The following MXRA7 variants were observed in gnomAD, a reference collection of about 807,000 sequenced individuals.
MXRA7 encodes the protein matrix-remodeling-associated protein 7.
Under a neutral mutation model 17.4 loss-of-function variants are expected in MXRA7, and 18 were observed. The observed-to-expected ratio is 1.03, with a 90% confidence interval of 0.71 to 1.53. The LOEUF (loss-of-function observed/expected upper bound fraction) is 1.53. Ranked by LOEUF, MXRA7 falls within the 40% of genes most tolerant of loss-of-function variation. The pLI is 0.00. For synonymous variants in MXRA7, 70 were observed against 101.7 expected (o/e 0.69, Z 1.87); for missense variants, 141 against 209.3 (o/e 0.67, Z 2.01).
chr17:76,697,972 A>G (rs1297071083), intron 1 of MXRA7, among the ~76,000 whole-genome samples: 1 of 152,010 alleles, frequency 6.6e-6, no homozygotes, highest in Non-Finnish European at 1.5e-5. Context: ...AGAGGGAGAG[A>G]GAGTGATAGA....
rs1015493105 is a variant in MXRA7 at position 76,681,514 on chromosome 17, G to A, written c.501-635C>T. ...AGTTTCTTGCATACATCAGATGGAAGAACCAGAACTACCCCACAGCTGGGG... is the reference window on the plus strand; with the variant it reads ...AGTTTCTTGCATACATCAGATGGAAAAACCAGAACTACCCCACAGCTGGGG... On this transcript the variant is annotated intron_variant, in intron 3 of 3. Coordinates refer to ENST00000449428, the MANE Select transcript of MXRA7 (RefSeq NM_198530.4). This position sits in a 1 kb window ranked among gnomAD's most constrained non-coding sequence, Gnocchi z 4.7. Among the ~76,000 whole-genome samples, 7 of 152,168 alleles carry A rather than the reference G, an allele frequency of 4.6e-5. No individual in the cohort carries two copies. Among genetic ancestry groups the A allele is most frequent in the African/African-American group, 1.7e-4 (7 of 41,434 alleles).
At position 76,688,975 on chromosome 17, in the gene MXRA7, T is replaced by C. The variant is rs533715228; in HGVS notation, c.343-799A>G. The C allele has an allele frequency of 1.1e-3, 215 of 200,056 alleles. 4 individuals are homozygous for C. Among genetic ancestry groups the C allele is most frequent in the Admixed American group, 0.01 (169 of 16,574 alleles). The allele number at this position is 200,056 out of a possible 1,614,324, so 12.4% of individuals were successfully genotyped here. ...CACGGGAGGCTCCCTAACAAAACAC[T>C]GAGCTGTGCCGGGAGGCAAAGTTTT... On this transcript the variant is annotated intron_variant, in intron 1 of 3. Transcript: ENST00000449428.
At chr17:76,688,299 C>A in intron 1 of MXRA7, 123 bp from the exon 2 acceptor site, 1 of 1,504,856 alleles carries the variant, frequency 6.6e-7, no homozygotes, top group Admixed American at 2.1e-5. Flanking sequence ...CGCCCTGTGG[C>A]AGCGCCTGCC....
downstream of MXRA7, chr17:76,676,304 G>T (rs2076240799): frequency 6.6e-6 from 1 of 152,158 alleles, no homozygotes; most frequent in Non-Finnish European, 1.5e-5. Context: ...ATCCAGCATA[G>T]TTCTAATTAA....
rs956178006 is a variant in MXRA7, at chr17:76,681,752, C to T, written c.501-873G>A. Among the ~76,000 whole-genome samples, 7 of 152,340 alleles carry T rather than the reference C, an allele frequency of 4.6e-5. No homozygotes were observed. The South Asian group carries it at 6.2e-4, about 14-fold the overall frequency. ...AGTGATGGAGAGGAGCTGACAGCCG[C>T]GCCTGTTCTTTCTCCTGCCAAGCTG... On this transcript the variant is annotated intron_variant, in intron 3 of 3. Transcript: ENST00000449428. This position sits in a 1 kb window ranked among gnomAD's most constrained non-coding sequence, Gnocchi z 4.7.
At chr17:76,691,824 A>G (rs1023647677) in intron 1 of MXRA7, among the ~76,000 whole-genome samples, 2 of 152,222 alleles carry the variant, frequency 1.3e-5, no homozygotes, top group Non-Finnish European at 2.9e-5. Flanking sequence ...TCAAGAATAG[A>G]CAGGAGGCCA....
downstream of MXRA7, chr17:76,677,757 G>C: frequency 1.5e-6 from 2 of 1,309,660 alleles, no homozygotes; most frequent in Non-Finnish European, 2.2e-6. Flanking sequence ...ACTGGGGAGA[G>C]AGGGAGCCTG....
intron 1 of MXRA7, chr17:76,688,385 A>G (rs1435290145): frequency 2.7e-5 from 39 of 1,431,338 alleles, no homozygotes; most frequent in Admixed American, 5.7e-5. Context: ...ACAAATGCTG[A>G]GCTGAGGCGT....
chr17:76,681,388 C>G lies in MXRA7; in HGVS notation c.501-509G>C, dbSNP rs758988626. ...AGCCCTGGGACCACTGAGAACCCAG[C>G]AGGTCTGATCTTGTCCCTCTGACGC... On this transcript the variant is annotated intron_variant, in intron 3 of 3. Coordinates refer to ENST00000449428, the MANE Select transcript of MXRA7 (RefSeq NM_198530.4). This position sits in a 1 kb window ranked among gnomAD's most constrained non-coding sequence, Gnocchi z 4.7. 6.6e-6 allele frequency among the ~76,000 whole-genome samples: 1 copy of G among 152,138 alleles called. No individual in the cohort carries two copies. The highest frequency in any genetic ancestry group is 1.5e-5 in the Non-Finnish European group (1 of 68,020).
rs1296370392 is a variant in MXRA7, at chr17:76,710,679, C to T, written c.268G>A (p.Gly90Arg). 6.2e-6 allele frequency: 8 copies of T among 1,288,580 alleles called. No individual in the cohort carries two copies. The highest frequency in any genetic ancestry group is 7.9e-6 in the Non-Finnish European group (8 of 1,012,708). The allele number at this position is 1,288,580 out of a possible 1,614,324, so 79.8% of individuals were successfully genotyped here. Reference sequence around the variant, plus strand: ...GGATCCCCTGGCCCTTCGGGCTCCCCCGGTCCCGCAGGCTCCCCGAGCTCC... The same window carrying T: ...GGATCCCCTGGCCCTTCGGGCTCCCTCGGTCCCGCAGGCTCCCCGAGCTCC... ...LGELGEPAGP[G>R]EPEGPGDPAA... The change falls in exon 1 of 4, where the codon GGG becomes AGG. Residue 90 changes from glycine to arginine, a missense_variant. Gly to Arg is a moderately radical substitution (Grantham distance 125, BLOSUM62 -2). Transcript: ENST00000449428.
At chr17:76,710,542 G>T in intron 1 of MXRA7, 63 bp downstream of exon 1, 1 of 1,205,888 alleles carries the variant, frequency 8.3e-7, no homozygotes, top group Non-Finnish European at 1.0e-6. Context: ...GCTCGGCGGG[G>T]AACGGCAGCG....
intron 1 of MXRA7, among the ~76,000 whole-genome samples, chr17:76,696,897 C>T (rs538964518): frequency 6.6e-5 from 10 of 152,254 alleles, no homozygotes; most frequent in Admixed American, 2.0e-4. Context: ...CAACAGAGTA[C>T]GCAGCTGATT....
At chr17:76,688,044 A>C in intron 2 of MXRA7, 69 bp downstream of exon 2, 1 of 1,178,230 alleles carries the variant, frequency 8.5e-7, no homozygotes, top group Non-Finnish European at 1.2e-6. Flanking sequence ...AGCTCCTGTG[A>C]TCCCCAGCAG....
intron 1 of MXRA7, among the ~76,000 whole-genome samples, chr17:76,703,428 C>T (rs1189701260): frequency 6.6e-6 from 1 of 152,050 alleles, no homozygotes; most frequent in Non-Finnish European, 1.5e-5. Context: ...TTGAGACCAA[C>T]CTGCAACATG....
At chr17:76,695,737 G>A (rs1030387282) in intron 1 of MXRA7, among the ~76,000 whole-genome samples, 19 of 152,256 alleles carry the variant, frequency 1.2e-4, no homozygotes, top group East Asian at 3.9e-4. Context: ...GGAACACCTC[G>A]GCTCTTCCAG....
At chr17:76,702,567 G>A (rs1276272398) in intron 1 of MXRA7, among the ~76,000 whole-genome samples, 3 of 152,098 alleles carry the variant, frequency 2.0e-5, no homozygotes, top group African/African-American at 7.2e-5. Context: ...AATCTCTTGA[G>A]GGCCGGGCGC....
At chr17:76,707,579 C>G (rs1445072030) in intron 1 of MXRA7, among the ~76,000 whole-genome samples, 1 of 152,142 alleles carries the variant, frequency 6.6e-6, no homozygotes, top group Non-Finnish European at 1.5e-5. Flanking sequence ...GCTGGGATTA[C>G]AGGTGTGAGC....
downstream of MXRA7, chr17:76,676,459 T>A (rs1373695546): frequency 6.6e-6 from 1 of 152,220 alleles, no homozygotes; most frequent in Admixed American, 6.5e-5. Flanking sequence ...TGAATTAGAC[T>A]TTTTGCTGAA....
chr17:76,697,943 A>G (rs1228898314), intron 1 of MXRA7, among the ~76,000 whole-genome samples: 1 of 150,088 alleles, frequency 6.7e-6, no homozygotes, highest in Non-Finnish European at 1.5e-5. Context: ...GGGGGAGGGG[A>G]GAGAGAGAGA....
Sources: allele counts gnomAD v4.1 joint callset (sites outside exome capture counted in the v4.1 genomes callset), GRCh38; gene constraint gnomAD v4.1.1; non-coding constraint Gnocchi (gnomAD v3.1); transcripts MANE v1.5; gene names NCBI Gene and HGNC (gene_info 2026-07-23, HGNC 2026-07-21).